The following P2RY8 variants were observed in gnomAD, a reference collection of about 807,000 sequenced individuals.
The protein encoded by P2RY8 is P2Y receptor family member 8, also known as S-geranylgeranyl-glutathione receptor P2RY8.
A neutral mutation model predicts 10.0 loss-of-function variants in P2RY8; 6 were observed. That is an observed-to-expected ratio of 0.60 (90% CI 0.33 to 1.19). P2RY8 has a LOEUF of 1.19. P2RY8 is among the 50% of genes most tolerant of loss of function. P2RY8 has a pLI of 0.04. For synonymous variants in P2RY8, 276 were observed against 252.5 expected, an observed-to-expected ratio of 1.09 and a Z score of -0.88; for missense variants, 456 against 542.0, an observed-to-expected ratio of 0.84 and a Z score of 1.58.
chrX:1,495,393 T>G (rs1450025777), intron 1 of P2RY8, among the ~76,000 whole-genome samples: 3 of 152,120 alleles, frequency 2.0e-5, no homozygotes, highest in African/African-American at 7.2e-5. Context: ...GAGTGGGCCC[T>G]GATCCAATAG....
At chrX:1,495,601 C>T (rs2149394503) in intron 1 of P2RY8, among the ~76,000 whole-genome samples, 1 of 144,000 alleles carries the variant, frequency 6.9e-6, no homozygotes, top group African/African-American at 2.7e-5. Flanking sequence ...TTCTAAGCTG[C>T]CCAGTCTATG....
intron 1 of P2RY8, among the ~76,000 whole-genome samples, chrX:1,530,513 C>CTAATTTA (rs200612076): frequency 0.071 from 10,646 of 150,328 alleles, 509 homozygotes; most frequent in Non-Finnish European, 0.1. Flanking sequence ...ATATATGTAT[C>CTAATTTA]TAATTTATGT....
chrX:1,469,980 A>G (rs2091763376), intron 1 of P2RY8, among the ~76,000 whole-genome samples: 1 of 152,142 alleles, frequency 6.6e-6, no homozygotes, highest in Non-Finnish European at 1.5e-5. Context: ...TCACTCATTC[A>G]TACAGTTCAA....
chrX:1,514,609 C>T (rs1201882376), intron 1 of P2RY8, among the ~76,000 whole-genome samples: 2 of 97,958 alleles, frequency 2.0e-5, no homozygotes, highest in African/African-American at 9.4e-5. Context: ...TCCCTTTCCT[C>T]CCCTCCCTTC....
At position 1,466,505 on chromosome X, in the gene P2RY8, C is replaced by A. The variant is rs1325379477; in HGVS notation, c.54G>T (p.Arg18=). 1 of 1,610,838 alleles carries A rather than the reference C, an allele frequency of 6.2e-7. No individual in the cohort carries two copies. The highest frequency in any genetic ancestry group is 8.5e-7 in the Non-Finnish European group (1 of 1,179,680). The change falls in exon 2 of 2, where the codon CGG becomes CGT. Residue 18 remains arginine, a synonymous_variant. Coordinates refer to ENST00000381297, the MANE Select transcript of P2RY8 (RefSeq NM_178129.5). ...GCAGGGCCACCGCGATCGCCGGGTT[C>A]CGCAGCATCTGCAGCGTCGCGTTGT... The part of the protein sequence containing the change: ...GPDNATLQML[R]NPAIAVALPV...
intron 1 of P2RY8, among the ~76,000 whole-genome samples, chrX:1,524,779 ATCC>A (rs2092426993): frequency 2.0e-5 from 2 of 101,006 alleles, no homozygotes; most frequent in Admixed American, 9.7e-5. Flanking sequence ...CCATCCATCC[ATCC>A]ACTCATCCAT....
rs1362523081 is a variant in P2RY8, at chrX:1,500,514, G to A, written c.-24-33932C>T. Reference sequence around the variant, plus strand: ...GGCTGGAGTGCAGTGGTGTGATCTCGGCTCACTGCAACCTCCGCCTCCCGA... The same window carrying A: ...GGCTGGAGTGCAGTGGTGTGATCTCAGCTCACTGCAACCTCCGCCTCCCGA... On this transcript the variant is annotated intron_variant, in intron 1 of 1. Transcript: ENST00000381297. Among the ~76,000 whole-genome samples the A allele has an allele frequency of 5.3e-5, 8 of 150,378 alleles. No individual in the cohort carries two copies. In the East Asian group the frequency reaches 1.4e-3, roughly 26 times the overall value.
intron 1 of P2RY8, among the ~76,000 whole-genome samples, chrX:1,519,799 A>G (rs1219719211): frequency 6.6e-6 from 1 of 150,902 alleles, no homozygotes; most frequent in Admixed American, 6.6e-5. Flanking sequence ...CTAGTTCCCA[A>G]TATTTTCTCG....
intron 1 of P2RY8, among the ~76,000 whole-genome samples, chrX:1,493,357 AGG>A (rs1569537354): frequency 2.7e-5 from 1 of 36,792 alleles, no homozygotes; most frequent in Non-Finnish European, 5.1e-5. Flanking sequence ...AGGGGAGGGG[AGG>A]GGAGGGGGAG....
chrX:1,525,993 A>T (rs1215857956), intron 1 of P2RY8, among the ~76,000 whole-genome samples: 2 of 151,942 alleles, frequency 1.3e-5, no homozygotes, highest in Non-Finnish European at 1.5e-5. Flanking sequence ...TTATTCATGC[A>T]TCCATTCACT....
At chrX:1,508,098 A>G (rs2092252268) in intron 1 of P2RY8, among the ~76,000 whole-genome samples, 1 of 152,104 alleles carries the variant, frequency 6.6e-6, no homozygotes, top group Non-Finnish European at 1.5e-5. Context: ...AAATCCAGCA[A>G]TGGCCTAGGG....
At chrX:1,494,417 C>G (rs2092097330) in intron 1 of P2RY8, 1 of 152,156 alleles carries the variant, frequency 6.6e-6, no homozygotes, top group African/African-American at 2.4e-5. Context: ...CTGGCCAGAG[C>G]AACAATAGAT....
At chrX:1,504,974 A>G (rs1452369940) in intron 1 of P2RY8, among the ~76,000 whole-genome samples, 3 of 151,916 alleles carry the variant, frequency 2.0e-5, no homozygotes, top group Admixed American at 6.6e-5. Context: ...CTACTAAAAA[A>G]AATACAAAAA....
intron 1 of P2RY8, among the ~76,000 whole-genome samples, chrX:1,524,104 C>T (rs1232731553): frequency 1.3e-5 from 2 of 152,106 alleles, no homozygotes; most frequent in East Asian, 1.9e-4. Context: ...CACGTCTCCC[C>T]GTAACCCCGT....
rs760892419 is a variant in P2RY8 at position 1,510,689 on chromosome X, C to A, written c.-25+26232G>T. Among the ~76,000 whole-genome samples, 22 of 151,914 alleles carry A rather than the reference C, an allele frequency of 1.4e-4. No homozygotes were observed. In the South Asian group the frequency reaches 4.6e-3, roughly 32 times the overall value. On this transcript the variant is annotated intron_variant, in intron 1 of 1. Transcript: ENST00000381297. Reference sequence around the variant, plus strand: ...CGTCAGGAGTTCAAGACCAGCCTGGCGACCACAGTGAAACCCTATCTCTAC... The same window carrying A: ...CGTCAGGAGTTCAAGACCAGCCTGGAGACCACAGTGAAACCCTATCTCTAC...
chrX:1,471,049 C>A (rs2091778219), intron 1 of P2RY8, among the ~76,000 whole-genome samples: 1 of 151,658 alleles, frequency 6.6e-6, no homozygotes, highest in Admixed American at 6.6e-5. Flanking sequence ...CTCTTTTTGC[C>A]CAGGCTGGAG....
intron 1 of P2RY8, among the ~76,000 whole-genome samples, chrX:1,516,027 A>G (rs1236585239): frequency 6.6e-6 from 1 of 150,376 alleles, no homozygotes; most frequent in Non-Finnish European, 1.5e-5. Context: ...TACTAAAAAA[A>G]AAAAAAAAAA....
chrX:1,483,154 G>A (rs1395559088), intron 1 of P2RY8, among the ~76,000 whole-genome samples: 3 of 152,134 alleles, frequency 2.0e-5, no homozygotes, highest in South Asian at 2.1e-4. Context: ...GTGAGTTGAC[G>A]CGGACTTGCC....
intron 1 of P2RY8, among the ~76,000 whole-genome samples, chrX:1,475,746 T>C (rs768605660): frequency 7.9e-4 from 120 of 152,272 alleles, no homozygotes; most frequent in Non-Finnish European, 1.3e-3. Context: ...GACAAGGATC[T>C]CAAGACTTGA....
Sources: gnomAD v4.1 joint callset for allele counts (sites outside exome capture counted in the v4.1 genomes callset) on GRCh38, gnomAD v4.1.1 for gene constraint, MANE v1.5 for transcripts, NCBI Gene and HGNC (gene_info 2026-07-23, HGNC 2026-07-21) for gene names.